Variants in CALN1 observed in about 807,000 individuals in gnomAD.
CALN1 encodes the protein calcium-binding protein 8.
Under a neutral mutation model 30.6 loss-of-function variants are expected in CALN1, and 17 were observed. The ratio of observed to expected loss-of-function variants is 0.56; its 90% confidence interval spans 0.38 to 0.83. CALN1 has a LOEUF of 0.83. Ranked by LOEUF, CALN1 falls within the 40% of genes least tolerant of loss-of-function variation. CALN1 has a pLI of 0.00. For synonymous variants in CALN1, 156 were observed against 131.4 expected (o/e 1.19, Z -1.28); for missense variants, 291 against 354.9 (o/e 0.82, Z 1.45).
At chr7:72,433,084 T>C (rs1389962798) in intron 1 of CALN1, among the ~76,000 whole-genome samples, 1 of 152,162 alleles carries the variant, frequency 6.6e-6, no homozygotes, top group Non-Finnish European at 1.5e-5. Context: ...ACAATCTCAT[T>C]GGAGCTTGGG....
At chr7:72,136,247 T>C (rs570546661) in intron 3 of CALN1, among the ~76,000 whole-genome samples, 10 of 152,348 alleles carry the variant, frequency 6.6e-5, no homozygotes, top group African/African-American at 1.9e-4. Context: ...CTGGAACTTC[T>C]TGATAACTTG....
intron 5 of CALN1, among the ~76,000 whole-genome samples, chr7:71,904,875 G>T (rs1269316958): frequency 6.6e-6 from 1 of 152,068 alleles, no homozygotes; most frequent in Non-Finnish European, 1.5e-5. Flanking sequence ...TGTGGAATGT[G>T]TAACAATATA....
At position 72,368,587 on chromosome 7, in the gene CALN1, AAGG is replaced by A. The variant is rs1404729590; in HGVS notation, c.119+34661_119+34663del. ...ATAAGAAAAATCATCAAAAATGAAAAAGGAGAATGAATAAAGTAACAAAGATAT... is the reference window on the plus strand; with the variant it reads ...ATAAGAAAAATCATCAAAAATGAAAAAGAATGAATAAAGTAACAAAGATAT... On this transcript the variant is annotated intron_variant, in intron 2 of 6. Coordinates refer to ENST00000395275, the MANE Select transcript of CALN1 (RefSeq NM_031468.4). Among the ~76,000 whole-genome samples, 4 of 152,126 alleles carry A rather than the reference AAGG, an allele frequency of 2.6e-5. No individual in the cohort carries two copies. In the East Asian group the frequency reaches 5.8e-4, roughly 22 times the overall value.
chr7:71,973,551 C>T (rs1741758017), intron 5 of CALN1, among the ~76,000 whole-genome samples: 1 of 152,190 alleles, frequency 6.6e-6, no homozygotes, highest in African/African-American at 2.4e-5. Flanking sequence ...AGATACGTAT[C>T]TGTGAGCCAA....
intron 2 of CALN1, among the ~76,000 whole-genome samples, chr7:72,393,406 G>C (rs563693905): frequency 2.0e-5 from 3 of 152,214 alleles, no homozygotes; most frequent in African/African-American, 4.8e-5. Context: ...AGAGCTTGCA[G>C]TGAGCCGAGA....
chr7:71,913,296 C>T (rs1017793067), intron 5 of CALN1, among the ~76,000 whole-genome samples: 6 of 152,138 alleles, frequency 3.9e-5, no homozygotes, highest in African/African-American at 1.2e-4. Flanking sequence ...GAGTTCTCTG[C>T]ACTTTGCCAC....
intron 5 of CALN1, among the ~76,000 whole-genome samples, chr7:71,903,014 TAAAAATTTTTTAAGTAAAAATTTAA>T (rs1210469247): frequency 3.3e-5 from 5 of 151,912 alleles, no homozygotes; most frequent in African/African-American, 1.2e-4. Context: ...AAAAATTACT[TAAAAATTTTTTAAGTAAAAATTTAA>T]AAAAAATTTT....
chr7:71,832,443 G>A (rs1789344829), intron 5 of CALN1, among the ~76,000 whole-genome samples: 1 of 152,150 alleles, frequency 6.6e-6, no homozygotes, highest in Non-Finnish European at 1.5e-5. Flanking sequence ...AATGAAGTGT[G>A]GATTTACCTT....
At chr7:72,177,421 T>G (rs75343284) in intron 3 of CALN1, among the ~76,000 whole-genome samples, 27,219 of 152,006 alleles carry the variant, frequency 0.18, 2,654 homozygotes, top group East Asian at 0.29. Flanking sequence ...TTTTTGATTA[T>G]TCTCAAAGAG....
At chr7:72,390,009 C>G (rs753582179) in intron 2 of CALN1, among the ~76,000 whole-genome samples, 9 of 151,862 alleles carry the variant, frequency 5.9e-5, no homozygotes, top group Non-Finnish European at 1.0e-4. Flanking sequence ...ATATTATTCC[C>G]ATGGCTTACT....
At chr7:71,988,979 T>G (rs1374974202) in intron 5 of CALN1, among the ~76,000 whole-genome samples, 1 of 152,128 alleles carries the variant, frequency 6.6e-6, no homozygotes, top group Non-Finnish European at 1.5e-5. Flanking sequence ...GGGAGTAAGT[T>G]TATTTGCCTC....
At chr7:72,407,350 ATT>A (rs1806769441) in intron 1 of CALN1, among the ~76,000 whole-genome samples, 1 of 152,140 alleles carries the variant, frequency 6.6e-6, no homozygotes, top group Non-Finnish European at 1.5e-5. Flanking sequence ...TACGGTTTGG[ATT>A]TGTGTCCCCA....
chr7:72,188,895 T>A (rs375883017), intron 3 of CALN1, among the ~76,000 whole-genome samples: 3 of 152,048 alleles, frequency 2.0e-5, no homozygotes, highest in African/African-American at 7.2e-5. Flanking sequence ...CCGAGAGGTA[T>A]CCCCAGGCCC....
At chr7:72,464,996 C>T in the CALN1 span, among the ~76,000 whole-genome samples, 1 of 152,154 alleles carries the variant, frequency 6.6e-6, no homozygotes, top group Non-Finnish European at 1.5e-5. Context: ...CAGGCACAGC[C>T]TCAGGGTCCC....
At chr7:71,830,098 C>T (rs747083242) in intron 5 of CALN1, among the ~76,000 whole-genome samples, 10 of 149,704 alleles carry the variant, frequency 6.7e-5, no homozygotes, top group Middle Eastern at 3.4e-3. Flanking sequence ...GGCTGGGGTG[C>T]AATGGCATGA....
intron 3 of CALN1, among the ~76,000 whole-genome samples, chr7:72,182,780 A>AAC (rs368682499): frequency 1.3e-5 from 2 of 148,492 alleles, no homozygotes; most frequent in South Asian, 2.2e-4. Context: ...AAAAAAAAAA[A>AAC]CAAACAAAAA....
chr7:72,101,166 A>G (rs1053901856), intron 4 of CALN1, among the ~76,000 whole-genome samples: 2 of 151,986 alleles, frequency 1.3e-5, no homozygotes, highest in African/African-American at 4.8e-5. Flanking sequence ...GGATTTCACT[A>G]TGTTGGTGAG....
chr7:71,834,802 T>A (rs9638636), intron 5 of CALN1, among the ~76,000 whole-genome samples: 54,080 of 151,894 alleles, frequency 0.36, 11,321 homozygotes, highest in South Asian at 0.56. Context: ...ACATATATGG[T>A]GTATGGGAAT....
chr7:72,200,327 C>T (rs1791331914), intron 3 of CALN1, among the ~76,000 whole-genome samples: 1 of 152,178 alleles, frequency 6.6e-6, no homozygotes, highest in Admixed American at 6.5e-5. Flanking sequence ...CTCTCCAAGC[C>T]TCCTTCCTCT....
Sources: gnomAD v4.1 joint callset for allele counts (sites outside exome capture counted in the v4.1 genomes callset) on GRCh38, gnomAD v4.1.1 for gene constraint, MANE v1.5 for transcripts, NCBI Gene and HGNC (gene_info 2026-07-23, HGNC 2026-07-21) for gene names.